CYP3A5: variants seen among roughly 807,000 people sequenced by gnomAD.
The protein encoded by CYP3A5 is cytochrome P450 family 3 subfamily A member 5.
CYP3A5 carries 51 observed loss-of-function variants against 55.9 expected under a neutral mutation model. That is an observed-to-expected ratio of 0.91 (90% CI 0.73 to 1.15). The LOEUF is 1.15. CYP3A5 is among the 50% of genes most tolerant of loss of function. CYP3A5 has a pLI of 0.00. For missense variants in CYP3A5, 533 were observed against 596.6 expected (o/e 0.89, Z 1.11); for synonymous variants, 196 against 213.9 (o/e 0.92, Z 0.73).
At chr7:99,674,509 A>G in intron 3 of CYP3A5, 24 bp downstream of exon 3, 1 of 1,604,936 alleles carries the variant, frequency 6.2e-7, no homozygotes, top group Non-Finnish European at 8.5e-7. Flanking sequence ...AGGTCTATCC[A>G]ATGGAGGTTT....
intron 1 of CYP3A5, among the ~76,000 whole-genome samples, chr7:99,677,492 C>T (rs991947021): frequency 1.1e-4 from 17 of 152,200 alleles, no homozygotes; most frequent in African/African-American, 3.9e-4. Context: ...AATGATAAAA[C>T]GTCCCGGAGA....
At chr7:99,675,312 A>G (rs1812111219) in intron 2 of CYP3A5, among the ~76,000 whole-genome samples, 1 of 152,218 alleles carries the variant, frequency 6.6e-6, no homozygotes, top group African/African-American at 2.4e-5. Flanking sequence ...ACCATGCAAA[A>G]GAAGGTCCCA....
intron 6 of CYP3A5, 40 bp downstream of exon 6, chr7:99,666,561 T>A: frequency 6.2e-7 from 1 of 1,600,202 alleles, no homozygotes; most frequent in Non-Finnish European, 8.6e-7. Flanking sequence ...CTGGAAGGGC[T>A]CATGACAGCT....
chr7:99,652,530 T>C, intron 11 of CYP3A5, 23 bp downstream of exon 11: 4 of 1,558,128 alleles, frequency 2.6e-6, no homozygotes, highest in Admixed American at 1.8e-5. Context: ...CAGGGTGAGC[T>C]CCATTTCCCT....
rs1455060067 is a variant in CYP3A5 at position 99,663,964 on chromosome 7, T to G, written c.798+4A>C. The G allele has an allele frequency of 6.3e-7, 1 of 1,581,206 alleles. No individual in the cohort carries two copies. The highest frequency in any genetic ancestry group is 8.5e-7 in the Non-Finnish European group (1 of 1,171,628). On this transcript the variant is annotated splice_donor_region_variant and intron_variant, in intron 8 of 12. Transcript: ENST00000222982. ...ATCGTCATTTAACCACCATCAGATTTTACCTTTTGTTTGTCGTTGAGGCGA... is the reference window on the plus strand; with the variant it reads ...ATCGTCATTTAACCACCATCAGATTGTACCTTTTGTTTGTCGTTGAGGCGA...
In CYP3A5 at chr7:99,662,895, G is replaced by A; in HGVS notation, c.799-13C>T. The A allele has an allele frequency of 1.2e-6, 2 of 1,613,468 alleles. No homozygotes were observed. The highest frequency in any genetic ancestry group is 1.7e-6 in the Non-Finnish European group (2 of 1,179,638). On this transcript the variant is annotated splice_polypyrimidine_tract_variant and intron_variant, in intron 8 of 12. Coordinates refer to ENST00000222982, the MANE Select transcript of CYP3A5 (RefSeq NM_000777.5). The surrounding 1 kb of genome is among the most constrained non-coding windows in gnomAD (Gnocchi z 4.3). Reference sequence around the variant, plus strand: ...AATCTAGTCGGTGCTAGAAGCAAAAGGAGAGATTTCTTTGGCAGAAAGTGA... The same window carrying A: ...AATCTAGTCGGTGCTAGAAGCAAAAAGAGAGATTTCTTTGGCAGAAAGTGA...
intron 4 of CYP3A5, among the ~76,000 whole-genome samples, chr7:99,670,525 A>G (rs1015411141): frequency 2.0e-5 from 3 of 152,190 alleles, no homozygotes; most frequent in African/African-American, 7.2e-5. Flanking sequence ...ATTTTGGTAT[A>G]TTTGCAACTC....
intron 11 of CYP3A5, among the ~76,000 whole-genome samples, chr7:99,650,853 CA>C (rs2151355613): frequency 6.6e-6 from 1 of 152,250 alleles, no homozygotes; most frequent in African/African-American, 2.4e-5. Context: ...GTTACATGGG[CA>C]TATGATGCTA....
intron 12 of CYP3A5, 73 bp downstream of exon 12, chr7:99,650,000 G>A: frequency 1.3e-6 from 2 of 1,524,268 alleles, no homozygotes; most frequent in Non-Finnish European, 1.8e-6. Context: ...AGATAAACAT[G>A]CATATTCTTT....
rs1176961087 is a variant in CYP3A5 at position 99,658,216 on chromosome 7, G to C, written c.1026+2283C>G. Among the ~76,000 whole-genome samples the C allele has an allele frequency of 3.9e-5, 6 of 152,208 alleles. No individual in the cohort carries two copies. The East Asian group carries it at 1.2e-3, about 29-fold the overall frequency. On this transcript the variant is annotated intron_variant, in intron 10 of 12. Transcript: ENST00000222982. ...ATTTGGCATGTTTTTGCAGTGGCTG[G>C]TACCAGTTGTTCCTTTCCATGTTTA...
At chr7:99,675,082 G>T (rs143522433) in intron 2 of CYP3A5, among the ~76,000 whole-genome samples, 3 of 152,320 alleles carry the variant, frequency 2.0e-5, no homozygotes, top group Admixed American at 2.0e-4. Flanking sequence ...TTTTAGTCTT[G>T]CAGATTTAGA....
intron 4 of CYP3A5, among the ~76,000 whole-genome samples, chr7:99,667,424 AC>A (rs1811150102): frequency 6.6e-6 from 1 of 152,222 alleles, no homozygotes; most frequent in Admixed American, 6.5e-5. Flanking sequence ...AGGATTGGTG[AC>A]AGATGGGCAG....
Position 99,663,347 on chromosome 7 carries a change from T to C in CYP3A5, c.799-465A>G, listed in dbSNP as rs375043275. 4 of 993,788 alleles carry C rather than the reference T, an allele frequency of 4.0e-6. No homozygotes were observed. In the African/African-American group the frequency reaches 7.0e-5, roughly 17 times the overall value. 61.6% of individuals were successfully genotyped at this position (993,788 alleles called of 1,614,324 possible). On this transcript the variant is annotated intron_variant, in intron 8 of 12. Coordinates refer to ENST00000222982, the MANE Select transcript of CYP3A5 (RefSeq NM_000777.5). ...CAAATATTCCAACATTCTCAAACTC[T>C]ATATAATCTTCAGTGACAGCTGGGT...
In CYP3A5 at chr7:99,653,466, T is replaced by TAAATAAAC. The variant is rs1311739623; in HGVS notation, c.1027-688_1027-687insGTTTATTT. On this transcript the variant is annotated intron_variant, in intron 10 of 12. Transcript: ENST00000222982. The surrounding 1 kb of genome is among the most constrained non-coding windows in gnomAD (Gnocchi z 4.2). ...ACCCTGTCTCAAATAAATAAATAAATAAATAAATAAATAAATAAATTTGTG... is the reference window on the plus strand; with the variant it reads ...ACCCTGTCTCAAATAAATAAATAAATAAATAAACAAATAAATAAATAAATAAATTTGTG... Among the ~76,000 whole-genome samples the TAAATAAAC allele has an allele frequency of 6.6e-6, 1 of 151,438 alleles. No homozygotes were observed. Among genetic ancestry groups the TAAATAAAC allele is most frequent in the East Asian group, 1.9e-4 (1 of 5,184 alleles).
chr7:99,655,945 G>A, intron 10 of CYP3A5, among the ~76,000 whole-genome samples: 1 of 152,190 alleles, frequency 6.6e-6, no homozygotes, highest in Non-Finnish European at 1.5e-5. Context: ...CTGATACTTT[G>A]CTGAAGTTGT....
chr7:99,676,767 C>T (rs903892176), intron 1 of CYP3A5, among the ~76,000 whole-genome samples: 19 of 152,158 alleles, frequency 1.2e-4, no homozygotes, highest in African/African-American at 2.4e-4. Context: ...CCTTCTTAAA[C>T]GTTCATTCAC....
In CYP3A5 at chr7:99,666,678, G is replaced by T. The variant is rs1303487578; in HGVS notation, c.444C>A (p.Ile148=). 2.5e-6 allele frequency: 4 copies of T among 1,613,980 alleles called. No individual in the cohort carries two copies. The Admixed American group carries it at 5.0e-5, about 20-fold the overall frequency. The change falls in exon 6 of 13, where the codon ATC becomes ATA. Residue 148 remains isoleucine (I), a synonymous_variant. Coordinates refer to ENST00000222982, the MANE Select transcript of CYP3A5 (RefSeq NM_000777.5). ...TSGKLKEMFP[I]IAQYGDVLVR... The stretch of plus-strand genomic sequence containing the variant: ...CCAATACATCTCCATACTGGGCAAT[G>T]ATGGGGAACATCTAAGCACAAAACA...
At chr7:99,664,190 A>T in intron 7 of CYP3A5, 95 bp from the exon 8 acceptor site, 1 of 1,064,000 alleles carries the variant, frequency 9.4e-7, no homozygotes, top group Non-Finnish European at 1.4e-6. Context: ...TAAGAATAAG[A>T]ACATCATGAT....
intron 2 of CYP3A5, 127 bp downstream of exon 2, chr7:99,675,988 C>T (rs1274295860): frequency 1.3e-6 from 1 of 763,412 alleles, no homozygotes; most frequent in African/African-American, 1.8e-5. Flanking sequence ...ATCCACTGCA[C>T]CCAGTCCCAC....
Sources: gnomAD v4.1 joint callset for allele counts (sites outside exome capture counted in the v4.1 genomes callset) on GRCh38, gnomAD v4.1.1 for gene constraint, Gnocchi (gnomAD v3.1) non-coding constraint, MANE v1.5 for transcripts, NCBI Gene and HGNC (gene_info 2026-07-23, HGNC 2026-07-21) for gene names.